Variants in SIRT2 observed in about 807,000 individuals in gnomAD.
SIRT2 encodes sirtuin 2.
SIRT2 carries 40 observed loss-of-function variants against 57.4 expected under a neutral mutation model. The ratio of observed to expected loss-of-function variants is 0.70; its 90% CI spans 0.54 to 0.91. SIRT2 has a LOEUF of 0.91. SIRT2 is among the 40% of genes least tolerant of loss of function. The pLI is 0.00. For missense variants in SIRT2, 439 were observed against 510.4 expected (o/e 0.86, Z 1.35); for synonymous variants, 161 against 195.7 (o/e 0.82, Z 1.48).
intron 4 of SIRT2, 24 bp from the exon 5 acceptor site, chr19:38,890,168 C>T (rs367743413): frequency 2.6e-5 from 42 of 1,613,820 alleles, no homozygotes; most frequent in Non-Finnish European, 3.4e-5. Context: ...ACTTATGCAC[C>T]ATATGACACC....
At chr19:38,890,226 C>T (rs571512049) in intron 4 of SIRT2, 82 bp from the exon 5 acceptor site, 20 of 1,420,648 alleles carry the variant, frequency 1.4e-5, no homozygotes, top group Middle Eastern at 1.8e-4. Context: ...CCCCTGACAT[C>T]GTTTACTCCA....
intron 9 of SIRT2, among the ~76,000 whole-genome samples, chr19:38,882,909 T>C (rs571206398): frequency 2.6e-5 from 4 of 152,142 alleles, no homozygotes; most frequent in African/African-American, 9.6e-5. Flanking sequence ...TCAGGAATCC[T>C]CAGCCCAGGG....
chr19:38,889,057 C>T (rs1206229033), intron 8 of SIRT2, 30 bp downstream of exon 8: 1 of 1,604,366 alleles, frequency 6.2e-7, no homozygotes, highest in Non-Finnish European at 8.5e-7. Flanking sequence ...ACCCGCCCAT[C>T]CTCCTCCCAG....
At chr19:38,898,631 G>A in intron 1 of SIRT2, 1 of 393,816 alleles carries the variant, frequency 2.5e-6, no homozygotes, top group Non-Finnish European at 4.5e-6. Flanking sequence ...GGTGATTAGT[G>A]AGGGGCAGAG....
intron 1 of SIRT2, 76 bp downstream of exon 1, chr19:38,899,430 C>G: frequency 1.3e-6 from 2 of 1,568,206 alleles, no homozygotes; most frequent in South Asian, 1.1e-5. Flanking sequence ...CCGCGGCCAC[C>G]CTTGGGCCCC....
Position 38,880,956 on chromosome 19 carries a change from C to G in SIRT2, c.748-59G>C. Reference sequence around the variant, plus strand: ...CCCAGGCTGCGCCACCGCTCCCTCCCCCGCCCCCAGCAGCAAACCTCCCTG... The same window carrying G: ...CCCAGGCTGCGCCACCGCTCCCTCCGCCGCCCCCAGCAGCAAACCTCCCTG... On this transcript the variant is annotated intron_variant, in intron 11 of 15. Coordinates refer to ENST00000249396, the MANE Select transcript of SIRT2 (RefSeq NM_012237.4). The surrounding 1 kb of genome is among the most constrained non-coding windows in gnomAD (Gnocchi z 4.1). 2 of 1,577,266 alleles carry G rather than the reference C, an allele frequency of 1.3e-6. No homozygotes were observed. The highest frequency in any genetic ancestry group is 1.3e-5 in the African/African-American group (1 of 74,250).
Position 38,889,858 on chromosome 19 carries a change from GA to G in SIRT2, c.371del (p.Phe124SerfsTer32). 1 of 1,613,964 alleles carries G rather than the reference GA, an allele frequency of 6.2e-7. No homozygotes were observed. The highest frequency in any genetic ancestry group is 8.5e-7 in the Non-Finnish European group (1 of 1,179,838). On this transcript the variant is annotated frameshift_variant, in exon 6 of 16. Coordinates refer to ENST00000249396, the MANE Select transcript of SIRT2 (RefSeq NM_012237.4). LOFTEE classifies it high-confidence loss of function. The stretch of plus-strand genomic sequence containing the variant: ...CCCTTCCTGGGGGAGCACAAACCTT[GA>G]AATAGCTGATCTCAAAGATGGCCTC... ...YPEAIFEISYFKKHPEPFFAL... is the reference protein window; with the variant it reads ...YPEAIFEISYXKKHPEPFFAL...
chr19:38,896,736 A>G (rs1227297199), intron 2 of SIRT2, among the ~76,000 whole-genome samples: 2 of 152,194 alleles, frequency 1.3e-5, no homozygotes, highest in Admixed American at 6.5e-5. Context: ...CAGGCGAGTG[A>G]GTTGCCACAG....
At position 38,879,206 on chromosome 19, in the gene SIRT2, C is replaced by A; in HGVS notation, c.1119G>T (p.Pro373=). The stretch of plus-strand genomic sequence containing the variant: ...TCCTGGCCTCGTCCTTGGCAGGTGG[C>A]GGGGACTTCTTGGGGGAAGCTGAAG... ...PSTSASPKKS[P]PPAKDEARTT... Residue 373 remains proline (P), a synonymous_variant, in exon 16 of 16, where the codon CCG becomes CCT. Transcript: ENST00000249396. 6.3e-7 allele frequency: 1 copy of A among 1,589,862 alleles called. No homozygotes were observed. The highest frequency in any genetic ancestry group is 8.5e-7 in the Non-Finnish European group (1 of 1,173,614).
chr19:38,895,350 A>G (rs571746205), intron 2 of SIRT2, among the ~76,000 whole-genome samples: 35 of 152,154 alleles, frequency 2.3e-4, no homozygotes, highest in African/African-American at 6.7e-4. Context: ...CCAGACATCT[A>G]TGGAATTGCC....
At chr19:38,883,828 A>C in intron 8 of SIRT2, 72 bp from the exon 9 acceptor site, 1 of 1,544,484 alleles carries the variant, frequency 6.5e-7, no homozygotes, top group Non-Finnish European at 8.9e-7. Flanking sequence ...CACAGTAGGG[A>C]GTTGAGGGCC....
intron 7 of SIRT2, 156 bp downstream of exon 7, chr19:38,889,533 A>G (rs1318267327): frequency 1.3e-6 from 1 of 781,958 alleles, no homozygotes; most frequent in Non-Finnish European, 2.1e-6. Context: ...TAAGATGAAG[A>G]CACGAGGAAC....
chr19:38,893,605 G>C, intron 3 of SIRT2, 78 bp from the exon 4 acceptor site: 3 of 1,243,208 alleles, frequency 2.4e-6, no homozygotes, highest in Non-Finnish European at 3.5e-6. Context: ...CCTGGCCCCA[G>C]CCCTGGGGTT....
At chr19:38,888,108 G>A (rs975851986) in intron 8 of SIRT2, among the ~76,000 whole-genome samples, 10 of 152,118 alleles carry the variant, frequency 6.6e-5, no homozygotes, top group African/African-American at 2.4e-4. Flanking sequence ...AATTAATACT[G>A]TTGTAGTGCA....
intron 2 of SIRT2, among the ~76,000 whole-genome samples, chr19:38,895,060 G>GC (rs1200318029): frequency 7.6e-5 from 11 of 144,782 alleles, no homozygotes; most frequent in Non-Finnish European, 9.1e-5. Flanking sequence ...GATGTTTCCT[G>GC]CCCCCGCCTC....
At chr19:38,893,781 C>T in intron 3 of SIRT2, 38 bp downstream of exon 3, 1 of 1,612,304 alleles carries the variant, frequency 6.2e-7, no homozygotes, top group Non-Finnish European at 8.5e-7. Flanking sequence ...CCCCGCCCCC[C>T]AGAACCCTGC....
rs766467966 is a variant in SIRT2, at chr19:38,889,075, G to A, written c.501+12C>T. On this transcript the variant is annotated intron_variant, in intron 8 of 15. Coordinates refer to ENST00000249396, the MANE Select transcript of SIRT2 (RefSeq NM_012237.4). ...CGCCCATCCTCCTCCCAGGATGCTC[G>A]CATCCGCCTACCTGCGTGTAGCAGC... is the stretch of plus-strand genomic sequence containing the variant. The A allele has an allele frequency of 6.8e-6, 11 of 1,609,880 alleles. No homozygotes were observed. The East Asian group carries it at 8.9e-5, about 13-fold the overall frequency.
intron 13 of SIRT2, 53 bp from the exon 14 acceptor site, chr19:38,879,755 G>T: frequency 7.2e-7 from 1 of 1,388,476 alleles, no homozygotes; most frequent in Non-Finnish European, 1.0e-6. Context: ...AGAGCTAAGA[G>T]CACAGACCCT....
intron 4 of SIRT2, among the ~76,000 whole-genome samples, chr19:38,890,875 T>C (rs1296717909): frequency 6.6e-6 from 1 of 152,118 alleles, no homozygotes; most frequent in African/African-American, 2.4e-5. Flanking sequence ...CAGGCACAAG[T>C]GTGATATGCT....
Sources: allele counts gnomAD v4.1 joint callset (sites outside exome capture counted in the v4.1 genomes callset), GRCh38; gene constraint gnomAD v4.1.1; non-coding constraint Gnocchi (gnomAD v3.1); transcripts MANE v1.5; gene names NCBI Gene and HGNC (gene_info 2026-07-23, HGNC 2026-07-21).